Variants in GBP6 observed in about 807,000 individuals in gnomAD.
GBP6 encodes the protein guanylate-binding protein 6.
GBP6 carries 54 observed loss-of-function variants against 61.5 expected under a neutral mutation model. The ratio of observed to expected loss-of-function variants is 0.88; its 90% CI spans 0.71 to 1.10. The LOEUF (loss-of-function observed/expected upper bound fraction) is 1.10, where lower values mean the gene tolerates loss of function less well. Among genes scored for constraint, GBP6 ranks in the 50% least tolerant of loss-of-function variants. The pLI is 0.00. For synonymous variants in GBP6, 255 were observed against 273.7 expected (o/e 0.93, Z 0.67); for missense variants, 748 against 752.8 (o/e 0.99, Z 0.07).
chr1:89,373,946 G>A (rs372103131), intron 3 of GBP6, among the ~76,000 whole-genome samples: 82 of 152,194 alleles, frequency 5.4e-4, no homozygotes, highest in African/African-American at 1.9e-3. Flanking sequence ...GGAGGGACCT[G>A]GTGGGAGGTA....
At chr1:89,380,224 T>C (rs1239920839) in intron 5 of GBP6, among the ~76,000 whole-genome samples, 162 bp from the exon 6 acceptor site, 1 of 152,234 alleles carries the variant, frequency 6.6e-6, no homozygotes, top group Non-Finnish European at 1.5e-5. Flanking sequence ...TTATACAAAT[T>C]CTTTTAGCAT....
In GBP6 at chr1:89,382,802, G is replaced by A. The variant is rs566111153; in HGVS notation, c.1291G>A (p.Gly431Arg). Residue 431 changes from glycine (G) to arginine (R), a missense_variant, in exon 8 of 11, where the codon GGG (glycine) becomes AGG (arginine). Transcript: ENST00000370456. ...ISAGSFSVPG[G>R]HKLYMETKER... Reference sequence around the variant, plus strand: ...AGCAGGAAGTTTCTCTGTTCCTGGAGGGCACAAGCTCTACATGGAAACAAA... The same window carrying A: ...AGCAGGAAGTTTCTCTGTTCCTGGAAGGCACAAGCTCTACATGGAAACAAA... 6 of 1,614,082 alleles carry A rather than the reference G, an allele frequency of 3.7e-6. No individual in the cohort carries two copies. Among genetic ancestry groups the A allele is most frequent in the Admixed American group, 1.7e-5 (1 of 60,012 alleles).
At position 89,380,400 on chromosome 1, in the gene GBP6, G is replaced by A. The variant is rs1652935341; in HGVS notation, c.640G>A (p.Val214Ile). The change falls in exon 6 of 11, where the codon GTT becomes ATT. Residue 214 changes from valine (V) to isoleucine (I), a missense_variant. Physicochemically the swap from Val to Ile is conservative, Grantham distance 29. Coordinates refer to ENST00000370456, the MANE Select transcript of GBP6 (RefSeq NM_198460.3). ...TTATCCCTCAGGCAATAATCCCAGA[G>A]TTCAAACATCCAATTTTCCCAGGGA... The part of the protein sequence containing the change: ...LKLIQGNNPR[V>I]QTSNFPRECI... 1 of 1,613,402 alleles carries A rather than the reference G, an allele frequency of 6.2e-7. No homozygotes were observed.
Position 89,378,424 on chromosome 1 carries a change from A to G in GBP6, c.436A>G (p.Thr146Ala), listed in dbSNP as rs1043192798. 1.5e-5 allele frequency: 25 copies of G among 1,613,204 alleles called. No homozygotes were observed. Among genetic ancestry groups the G allele is most frequent in the Admixed American group, 3.3e-5 (2 of 59,720 alleles). Residue 146 changes from threonine to alanine, a missense_variant, in exon 5 of 11, where the codon ACG (threonine) becomes GCG (alanine). Thr to Ala is a moderately conservative substitution (Grantham distance 58). Coordinates refer to ENST00000370456, the MANE Select transcript of GBP6 (RefSeq NM_198460.3). The stretch of plus-strand genomic sequence containing the variant: ...TCCTTACCTAAGTCCTAGTTATGTG[A>G]CGGAGCTCACAGAACTAATTAAGGC... ...HQALEQLHYV[T>A]ELTELIKAKS...
intron 3 of GBP6, among the ~76,000 whole-genome samples, chr1:89,375,406 G>A (rs1286133625): frequency 6.6e-6 from 1 of 152,188 alleles, no homozygotes; most frequent in Non-Finnish European, 1.5e-5. Context: ...TACACCATTA[G>A]TGGAAGTGTA....
Position 89,378,129 on chromosome 1 carries a change from C to T in GBP6, c.345C>T (p.Ile115=). The stretch of plus-strand genomic sequence containing the variant: ...GTGACCCTAAGAATGACTCCTGGAT[C>T]TTTGCCCTGGCTGTGCTCCTGTGCA... The part of the protein sequence containing the change: ...EKGDPKNDSW[I]FALAVLLCST... Residue 115 remains isoleucine (I), a synonymous_variant, in exon 4 of 11, where the codon ATC becomes ATT. Transcript: ENST00000370456. 6.2e-7 allele frequency: 1 copy of T among 1,613,346 alleles called. No individual in the cohort carries two copies. The highest frequency in any genetic ancestry group is 8.5e-7 in the Non-Finnish European group (1 of 1,179,788).
At chr1:89,384,057 T>C (rs370098343) in intron 9 of GBP6, 36 bp from the exon 10 acceptor site, 36 of 1,545,738 alleles carry the variant, frequency 2.3e-5, no homozygotes, top group Non-Finnish European at 2.9e-5. Flanking sequence ...TCTTCACCTA[T>C]TATTTTCTTC....
rs1231808134 is a variant in GBP6, at chr1:89,387,063, G to A, written c.*1594G>A. ...TGTTGAGAGGTAGCCCTGATAAAGT[G>A]TCACATCCATAGCCTTGATCTGAGC... On this transcript the variant is annotated 3_prime_UTR_variant, in exon 11 of 11. Coordinates refer to ENST00000370456, the MANE Select transcript of GBP6 (RefSeq NM_198460.3). Among the ~76,000 whole-genome samples, 1 of 152,158 alleles carries A rather than the reference G, an allele frequency of 6.6e-6. No individual in the cohort carries two copies. The highest frequency in any genetic ancestry group is 1.5e-5 in the Non-Finnish European group (1 of 68,024).
intron 10 of GBP6, 98 bp from the exon 11 acceptor site, chr1:89,385,132 A>G: frequency 1.9e-6 from 2 of 1,045,476 alleles, no homozygotes; most frequent in South Asian, 1.7e-5. Context: ...TGTTTTTAGG[A>G]GTAAAATAAA....
chr1:89,387,233 C>G lies in GBP6; in HGVS notation c.*1764C>G, dbSNP rs1295400326. Among the ~76,000 whole-genome samples, 1 of 152,058 alleles carries G rather than the reference C, an allele frequency of 6.6e-6. No homozygotes were observed. Among genetic ancestry groups the G allele is most frequent in the African/African-American group, 2.4e-5 (1 of 41,412 alleles). ...GAGCCATTTACTAGATATCCATATA[C>G]TAGGGAAATACAAACACCCAAATAT... On this transcript the variant is annotated 3_prime_UTR_variant, in exon 11 of 11. Coordinates refer to ENST00000370456, the MANE Select transcript of GBP6 (RefSeq NM_198460.3).
At chr1:89,378,998 A>G (rs528527395) in intron 5 of GBP6, among the ~76,000 whole-genome samples, 1 of 152,324 alleles carries the variant, frequency 6.6e-6, no homozygotes, top group African/African-American at 2.4e-5. Context: ...TCTAATAAAA[A>G]TATAAATGTG....
chr1:89,373,361 C>G (rs962866518), intron 3 of GBP6, among the ~76,000 whole-genome samples: 2 of 152,156 alleles, frequency 1.3e-5, no homozygotes, highest in African/African-American at 4.8e-5. Flanking sequence ...AAGACACATG[C>G]ACATGTATGT....
intron 9 of GBP6, 22 bp from the exon 10 acceptor site, chr1:89,384,071 T>A: frequency 6.3e-7 from 1 of 1,581,244 alleles, no homozygotes; most frequent in Non-Finnish European, 8.6e-7. Flanking sequence ...TTTCTTCTCT[T>A]TCTAATACCT....
intron 3 of GBP6, among the ~76,000 whole-genome samples, chr1:89,377,663 A>G (rs114557918): frequency 0.015 from 2,212 of 152,326 alleles, 60 homozygotes; most frequent in African/African-American, 0.051. Context: ...AAACATAAGA[A>G]CAGTGAGAAA....
At chr1:89,374,228 G>A (rs1029083087) in intron 3 of GBP6, among the ~76,000 whole-genome samples, 23 of 152,148 alleles carry the variant, frequency 1.5e-4, no homozygotes, top group Middle Eastern at 3.4e-3. Context: ...GCATGAGAAC[G>A]GACTAGAGCA....
At chr1:89,378,827 T>A (rs541863737) in intron 5 of GBP6, among the ~76,000 whole-genome samples, 2 of 152,308 alleles carry the variant, frequency 1.3e-5, no homozygotes, top group African/African-American at 2.4e-5. Flanking sequence ...AAGACAGATT[T>A]GTTCTTTGTA....
rs1320392467 is a variant in GBP6, at chr1:89,380,606, G to A, written c.846G>A (p.Arg282=). 32 of 1,613,820 alleles carry A rather than the reference G, an allele frequency of 2.0e-5. No individual in the cohort carries two copies. The highest frequency in any genetic ancestry group is 2.6e-5 in the Non-Finnish European group (31 of 1,179,750). ...CTCATGCAAGAACCAAGACCCTCAG[G>A]GAGGGAATCACAGTCACTGGGAATC... ...IFTHARTKTL[R]EGITVTGNRL... The change falls in exon 6 of 11, where the codon AGG becomes AGA. Residue 282 remains arginine, a synonymous_variant. Coordinates refer to ENST00000370456, the MANE Select transcript of GBP6 (RefSeq NM_198460.3).
chr1:89,381,220 G>A (rs1441238939), intron 6 of GBP6, among the ~76,000 whole-genome samples: 2 of 146,056 alleles, frequency 1.4e-5, no homozygotes, highest in Non-Finnish European at 3.0e-5. Flanking sequence ...GGGAGGCGGA[G>A]GTTGTAGTGA....
At chr1:89,377,365 A>G (rs995353124) in intron 3 of GBP6, among the ~76,000 whole-genome samples, 5 of 152,168 alleles carry the variant, frequency 3.3e-5, no homozygotes, top group Admixed American at 6.5e-5. Flanking sequence ...TACTTGCAGA[A>G]TCACCTTCAT....
Sources: allele counts gnomAD v4.1 joint callset (sites outside exome capture counted in the v4.1 genomes callset), GRCh38; gene constraint gnomAD v4.1.1; transcripts MANE v1.5; gene names NCBI Gene and HGNC (gene_info 2026-07-23, HGNC 2026-07-21).